Variants in ZNF354B observed in about 807,000 individuals in gnomAD.
The protein encoded by ZNF354B is zinc finger protein 354B.
In ZNF354B, 10 loss-of-function variants were observed where a neutral mutation model predicts 12.9. The observed-to-expected ratio is 0.77, with a 90% CI of 0.48 to 1.31. The LOEUF is 1.31. Ranked by LOEUF, ZNF354B falls within the 40% of genes most tolerant of loss-of-function variation. The pLI is 0.00. For synonymous variants in ZNF354B, 260 were observed against 243.7 expected (o/e 1.07, Z -0.62); for missense variants, 614 against 711.7 (o/e 0.86, Z 1.56).
rs747599443 is a variant in ZNF354B, at chr5:178,884,448, C to T, written c.*157C>T. 1 of 760,936 alleles carries T rather than the reference C, an allele frequency of 1.3e-6. No individual in the cohort carries two copies. Among genetic ancestry groups the T allele is most frequent in the African/African-American group, 1.8e-5 (1 of 56,296 alleles). 47.1% of individuals were successfully genotyped at this position (760,936 alleles called of 1,614,324 possible). A position where few individuals can be genotyped will look rare whatever the true frequency, so the allele number is the denominator to read the frequency against. ...ATGGGAAAAGCTTTTATACTTGTCACTCACTTTTTAAAATATCCCGAGACA... is the reference window on the plus strand; with the variant it reads ...ATGGGAAAAGCTTTTATACTTGTCATTCACTTTTTAAAATATCCCGAGACA... On this transcript the variant is annotated 3_prime_UTR_variant, in exon 5 of 5. Coordinates refer to ENST00000322434, the MANE Select transcript of ZNF354B (RefSeq NM_058230.3).
chr5:178,878,228 A>AC (rs1757665979), intron 4 of ZNF354B, among the ~76,000 whole-genome samples: 2 of 136,530 alleles, frequency 1.5e-5, no homozygotes, highest in African/African-American at 5.7e-5. Context: ...CTAAAAATAC[A>AC]AAAAATTAGC....
chr5:178,883,645 T>C lies in ZNF354B; in HGVS notation c.1193T>C (p.Ile398Thr), dbSNP rs549253277. 6.8e-6 allele frequency: 11 copies of C among 1,613,890 alleles called. No homozygotes were observed. Among genetic ancestry groups the C allele is most frequent in the Admixed American group, 6.7e-5 (4 of 60,020 alleles). The stretch of plus-strand genomic sequence containing the variant: ...GCCTTCAGCCAGAGTGCCTCTCTTA[T>C]TCAACATGAAAGAATTCACACCGGA... ...GRAFSQSASLIQHERIHTGEK... is the reference protein window; with the variant it reads ...GRAFSQSASLTQHERIHTGEK... The change falls in exon 5 of 5, where the codon ATT (isoleucine) becomes ACT (threonine). Residue 398 changes from isoleucine to threonine, a missense_variant. Ile to Thr is a moderately conservative substitution (Grantham distance 89). Coordinates refer to ENST00000322434, the MANE Select transcript of ZNF354B (RefSeq NM_058230.3).
chr5:178,867,550 G>A (rs575339044), intron 4 of ZNF354B, among the ~76,000 whole-genome samples: 1 of 152,268 alleles, frequency 6.6e-6, no homozygotes. Context: ...AGAAAAGTTG[G>A]TGTGAATCAG....
Position 178,883,243 on chromosome 5 carries a change from A to G in ZNF354B, c.791A>G (p.His264Arg). Reference protein sequence around the residue: ...SSALIQHQRTHTGEKPYICKE... With the variant: ...SSALIQHQRTRTGEKPYICKE... Reference sequence around the variant, plus strand: ...GCTCTTATTCAACATCAAAGAACTCATACAGGAGAGAAACCCTATATATGT... The same window carrying G: ...GCTCTTATTCAACATCAAAGAACTCGTACAGGAGAGAAACCCTATATATGT... The change falls in exon 5 of 5, where the codon CAT becomes CGT. Residue 264 changes from histidine to arginine, a missense_variant. Transcript: ENST00000322434. 1 of 1,612,824 alleles carries G rather than the reference A, an allele frequency of 6.2e-7. No individual in the cohort carries two copies. The highest frequency in any genetic ancestry group is 8.5e-7 in the Non-Finnish European group (1 of 1,179,720).
chr5:178,876,297 C>T (rs1396721181), intron 4 of ZNF354B, among the ~76,000 whole-genome samples: 2 of 152,186 alleles, frequency 1.3e-5, no homozygotes, highest in African/African-American at 4.8e-5. Flanking sequence ...AGTCTGGCCG[C>T]GTTTTGTGAG....
intron 4 of ZNF354B, among the ~76,000 whole-genome samples, chr5:178,872,554 CAT>C (rs1757579650): frequency 6.6e-6 from 1 of 152,170 alleles, no homozygotes; most frequent in Admixed American, 6.5e-5. Context: ...TTTTTGAAGA[CAT>C]AGCCAAGTTG....
chr5:178,877,162 CTTTGTTTTGT>C (rs758473039), intron 4 of ZNF354B, among the ~76,000 whole-genome samples: 2 of 151,708 alleles, frequency 1.3e-5, no homozygotes, highest in Admixed American at 1.3e-4. Context: ...TGCAGTTGTT[CTTTGTTTTGT>C]TTTGTTTTGT....
At position 178,883,497 on chromosome 5, in the gene ZNF354B, C is replaced by A. The variant is rs907429608; in HGVS notation, c.1045C>A (p.Leu349Ile). The change falls in exon 5 of 5, where the codon CTC becomes ATC. Residue 349 changes from leucine to isoleucine, a missense_variant. By Grantham distance (5) the Leu-to-Ile change is conservative. Transcript: ENST00000322434. ...TSLSGSQKIH[L>I]RKKSYLCNEC... Reference sequence around the variant, plus strand: ...CCTTTCTGGAAGTCAGAAAATTCATCTCAGAAAGAAGTCCTACTTATGTAA... The same window carrying A: ...CCTTTCTGGAAGTCAGAAAATTCATATCAGAAAGAAGTCCTACTTATGTAA... 5.6e-6 allele frequency: 9 copies of A among 1,614,028 alleles called. No homozygotes were observed. The highest frequency in any genetic ancestry group is 6.8e-6 in the Non-Finnish European group (8 of 1,179,996).
chr5:178,871,543 T>C (rs1430825599), intron 4 of ZNF354B, among the ~76,000 whole-genome samples: 1 of 152,194 alleles, frequency 6.6e-6, no homozygotes, highest in Non-Finnish European at 1.5e-5. Context: ...GCCTCTGCAT[T>C]GTAAGCTGCT....
At chr5:178,871,405 G>A (rs1757563302) in intron 4 of ZNF354B, among the ~76,000 whole-genome samples, 1 of 152,272 alleles carries the variant, frequency 6.6e-6, no homozygotes, top group South Asian at 2.1e-4. Context: ...CACTGGCTTC[G>A]GCTCACACAG....
intron 4 of ZNF354B, among the ~76,000 whole-genome samples, chr5:178,880,792 A>G (rs1418941196): frequency 6.7e-6 from 1 of 148,294 alleles, no homozygotes; most frequent in Non-Finnish European, 1.5e-5. Flanking sequence ...ACCTGTACCC[A>G]GCCCATCACC....
intron 1 of ZNF354B, among the ~76,000 whole-genome samples, chr5:178,860,508 T>C (rs1031712947): frequency 2.0e-5 from 3 of 152,118 alleles, no homozygotes; most frequent in African/African-American, 7.2e-5. Context: ...CGCTTTCCTC[T>C]TCAAAGCCGT....
chr5:178,866,565 TG>T (rs1757461119), intron 3 of ZNF354B, among the ~76,000 whole-genome samples, 195 bp downstream of exon 3: 1 of 152,198 alleles, frequency 6.6e-6, no homozygotes, highest in South Asian at 2.1e-4. Flanking sequence ...TCTTGGCGGG[TG>T]GGTATTGATA....
intron 4 of ZNF354B, among the ~76,000 whole-genome samples, chr5:178,880,828 G>A (rs1219949441): frequency 3.0e-5 from 4 of 135,182 alleles, no homozygotes; most frequent in African/African-American, 5.5e-5. Flanking sequence ...TCAACTCATG[G>A]TCATTTTTTT....
Position 178,883,059 on chromosome 5 carries a change from A to C in ZNF354B, c.607A>C (p.Asn203His). 1.2e-6 allele frequency: 2 copies of C among 1,604,534 alleles called. No homozygotes were observed. The highest frequency in any genetic ancestry group is 1.7e-6 in the Non-Finnish European group (2 of 1,177,758). The change falls in exon 5 of 5, where the codon AAC (asparagine) becomes CAC (histidine). Residue 203 changes from asparagine (N) to histidine (H), a missense_variant. By Grantham distance (68) the Asn-to-His change is moderately conservative. Transcript: ENST00000322434. ...NSFKQNSNLL[N>H]QSKIKTAEKR... is the part of the protein sequence containing the mutation. Reference sequence around the variant, plus strand: ...TTTCAAGCAGAATTCAAATTTACTTAACCAATCAAAAATCAAAACAGCAGA... The same window carrying C: ...TTTCAAGCAGAATTCAAATTTACTTCACCAATCAAAAATCAAAACAGCAGA...
At chr5:178,866,516 A>T (rs755648015) in intron 3 of ZNF354B, 146 bp downstream of exon 3, 23 of 1,285,506 alleles carry the variant, frequency 1.8e-5, no homozygotes, top group Admixed American at 7.9e-5. Context: ...AAACATTGAT[A>T]ACTTAACTTT....
Position 178,862,892 on chromosome 5 carries a change from A to G in ZNF354B, c.33+1812A>G, listed in dbSNP as rs185178990. 2.6e-3 allele frequency among the ~76,000 whole-genome samples: 395 copies of G among 152,304 alleles called. 2 individuals are homozygous for G. The highest frequency in any genetic ancestry group is 4.7e-3 in the Non-Finnish European group (321 of 68,030). ...TGCTTGCCATGCGTCAGTAATGTGT[A>G]GACCTGTGTGTAAAATTCAGTGAAG... On this transcript the variant is annotated intron_variant, in intron 2 of 4. Transcript: ENST00000322434.
intron 4 of ZNF354B, 24 bp downstream of exon 4, chr5:178,867,095 C>G (rs778998441): frequency 1.3e-6 from 2 of 1,591,300 alleles, no homozygotes; most frequent in Non-Finnish European, 1.7e-6. Flanking sequence ...CCGAGGTGCT[C>G]GGGAATGGCC....
At chr5:178,864,097 C>CAG (rs911329967) in intron 2 of ZNF354B, among the ~76,000 whole-genome samples, 2 of 152,144 alleles carry the variant, frequency 1.3e-5, no homozygotes, top group African/African-American at 2.4e-5. Flanking sequence ...CCTAAGTGTA[C>CAG]AGTGTTTAAA....
Sources: allele counts gnomAD v4.1 joint callset (sites outside exome capture counted in the v4.1 genomes callset), GRCh38; gene constraint gnomAD v4.1.1; transcripts MANE v1.5; gene names NCBI Gene and HGNC (gene_info 2026-07-23, HGNC 2026-07-21).